ANK2: variants seen among roughly 807,000 people sequenced by gnomAD.
ANK2 encodes ankyrin 2.
A neutral mutation model predicts 360.5 loss-of-function variants in ANK2; 83 were observed. The ratio of observed to expected loss-of-function variants is 0.23; its 90% CI spans 0.19 to 0.28. The LOEUF is 0.28. ANK2 is among the 10% of genes least tolerant of loss of function. ANK2 has a pLI of 1.00. For synonymous variants in ANK2, 1,740 were observed against 1,759.5 expected (o/e 0.99, Z 0.28); for missense variants, 4,201 against 4,795.7 (o/e 0.88, Z 3.66).
chr4:113,048,181 A>G (rs914665662), upstream of ANK2, among the ~76,000 whole-genome samples: 9 of 143,434 alleles, frequency 6.3e-5, no homozygotes, highest in Non-Finnish European at 1.4e-4. Flanking sequence ...AATAAGGGCA[A>G]GTGTTTAGAA....
intron 4 of ANK2, among the ~76,000 whole-genome samples, chr4:113,219,109 A>G (rs2099119998): frequency 6.6e-6 from 1 of 152,158 alleles, no homozygotes; most frequent in Non-Finnish European, 1.5e-5. Flanking sequence ...TGCTCAATAT[A>G]CCTATTTTAA....
At chr4:112,828,323 C>T (rs775384153) in intron 1 of ANK2, among the ~76,000 whole-genome samples, 51 of 150,866 alleles carry the variant, frequency 3.4e-4, no homozygotes, top group Non-Finnish European at 5.6e-4. Context: ...CAACCTCCGC[C>T]TCCTGGGTTC....
intron 2 of ANK2, among the ~76,000 whole-genome samples, chr4:112,965,000 T>G (rs1239990141): frequency 6.6e-6 from 1 of 152,240 alleles, no homozygotes; most frequent in African/African-American, 2.4e-5. Context: ...ATTTCCTTTC[T>G]TTGGGGGTAT....
intron 10 of ANK2, among the ~76,000 whole-genome samples, chr4:113,253,768 C>A (rs920826993): frequency 6.6e-6 from 1 of 152,122 alleles, no homozygotes; most frequent in African/African-American, 2.4e-5. Flanking sequence ...GCAAGAGGCC[C>A]CTAATTGACT....
chr4:112,942,466 G>T (rs1468070685), intron 2 of ANK2, among the ~76,000 whole-genome samples: 1 of 152,020 alleles, frequency 6.6e-6, no homozygotes, highest in Non-Finnish European at 1.5e-5. Context: ...TGCCCATTTT[G>T]TAGATGAGAA....
intron 4 of ANK2, among the ~76,000 whole-genome samples, chr4:113,215,704 C>T (rs1585069707): frequency 6.6e-6 from 1 of 152,194 alleles, no homozygotes; most frequent in African/African-American, 2.4e-5. Context: ...AACTATATAC[C>T]ATATGCCAAG....
At chr4:112,840,045 G>GA (rs2061774198) in intron 1 of ANK2, among the ~76,000 whole-genome samples, 1 of 152,188 alleles carries the variant, frequency 6.6e-6, no homozygotes, top group African/African-American at 2.4e-5. Context: ...CTATATGCTA[G>GA]GTCTTGTGCT....
intron 1 of ANK2, among the ~76,000 whole-genome samples, chr4:113,158,242 TGAA>T (rs2097373248): frequency 6.6e-6 from 1 of 152,140 alleles, no homozygotes; most frequent in Non-Finnish European, 1.5e-5. Context: ...CATGTAAAAA[TGAA>T]GAATTGCCTT....
At chr4:112,993,882 A>G (rs571961528) in intron 2 of ANK2, among the ~76,000 whole-genome samples, 31 of 151,598 alleles carry the variant, frequency 2.0e-4, no homozygotes, top group African/African-American at 7.3e-4. Context: ...AATTTTTTGT[A>G]TTTTTATTAG....
chr4:113,297,492 C>G (rs1301831368), intron 22 of ANK2, among the ~76,000 whole-genome samples: 3 of 152,068 alleles, frequency 2.0e-5, no homozygotes, highest in African/African-American at 4.8e-5. Flanking sequence ...GATCATTATA[C>G]TTATGTTTAT....
chr4:112,801,453 G>T, the ANK2 span, among the ~76,000 whole-genome samples: 1 of 152,088 alleles, frequency 6.6e-6, no homozygotes. Flanking sequence ...CTGATCCTGT[G>T]GTCTAGTGGT....
At chr4:113,133,334 A>G (rs1388007688) in intron 1 of ANK2, among the ~76,000 whole-genome samples, 1 of 152,038 alleles carries the variant, frequency 6.6e-6, no homozygotes, top group African/African-American at 2.4e-5. Context: ...GAGCATGTAG[A>G]CTCTATACTC....
At position 112,831,056 on chromosome 4, in the gene ANK2, C is replaced by T. The variant is rs560143951; in HGVS notation, c.-40+12792C>T. Among the ~76,000 whole-genome samples, 57 of 152,340 alleles carry T rather than the reference C, an allele frequency of 3.7e-4. 1 individual carries two copies. The highest frequency in any genetic ancestry group is 3.7e-3 in the East Asian group (19 of 5,180). ...AGCCATCTCACCATAGGGCAGGGCT[C>T]GGGACCTGCAGCCCACCATGCCTGA... On this transcript the variant is annotated intron_variant, in intron 1 of 30. Coordinates refer to the ANK2 transcript ENST00000503271.
intron 1 of ANK2, among the ~76,000 whole-genome samples, chr4:112,834,877 T>C (rs1448659511): frequency 3.3e-5 from 5 of 152,216 alleles, no homozygotes; most frequent in Non-Finnish European, 5.9e-5. Flanking sequence ...TCATCTATTC[T>C]GTAGAAGGCC....
chr4:113,332,980 C>T (rs1396203500), intron 28 of ANK2, 74 bp from the exon 29 acceptor site: 23 of 1,603,330 alleles, frequency 1.4e-5, no homozygotes, highest in Non-Finnish European at 1.9e-5. Context: ...GGTCACTTTG[C>T]AACAGAGTCG....
At chr4:113,096,695 A>G (rs1473769209) in intron 1 of ANK2, among the ~76,000 whole-genome samples, 2 of 152,202 alleles carry the variant, frequency 1.3e-5, no homozygotes, top group Non-Finnish European at 2.9e-5. Flanking sequence ...CATGTGCCCA[A>G]CTATTACTAT....
At position 113,364,878 on chromosome 4, in the gene ANK2, A is replaced by AT. The variant is rs2096445678; in HGVS notation, c.10889-160dup. On this transcript the variant is annotated intron_variant, in intron 40 of 45. Transcript: ENST00000357077. ...CCATGCTGTACCACTTTTTTTATGC[A>AT]TATCTCTTTTGTCTGTTGGCTTATT... is the stretch of plus-strand genomic sequence containing the variant. Among the ~76,000 whole-genome samples the AT allele has an allele frequency of 1.3e-5, 2 of 152,146 alleles. 1 individual carries two copies. The highest frequency in any genetic ancestry group is 4.1e-4 in the South Asian group (2 of 4,836).
chr4:113,039,346 A>C (rs1441984918), intron 2 of ANK2, among the ~76,000 whole-genome samples: 2 of 152,000 alleles, frequency 1.3e-5, no homozygotes, highest in Non-Finnish European at 2.9e-5. Flanking sequence ...CTCATCTCCA[A>C]GTTAATCCTT....
rs778797451 is a variant in ANK2 at position 113,373,153 on chromosome 4, G to A, written c.11674G>A (p.Gly3892Arg). 4.6e-5 allele frequency: 74 copies of A among 1,613,906 alleles called. No individual in the cohort carries two copies. Among genetic ancestry groups the A allele is most frequent in the Non-Finnish European group, 1.6e-5 (19 of 1,179,926 alleles). ...AGAAGAAGAATACATTGATGAGCATGGACACACCGTGGTAAAGAAGGTATT... is the reference window on the plus strand; with the variant it reads ...AGAAGAAGAATACATTGATGAGCATAGACACACCGTGGTAAAGAAGGTATT... ...VTEEEYIDEH[G>R]HTVVKKVTRK... The change falls in exon 44 of 46, where the codon GGA becomes AGA. Residue 3892 changes from glycine to arginine, a missense_variant. Gly to Arg is a moderately radical substitution (Grantham distance 125). Coordinates refer to ENST00000357077, the MANE Select transcript of ANK2 (RefSeq NM_001148.6).
Sources: allele counts gnomAD v4.1 joint callset (sites outside exome capture counted in the v4.1 genomes callset), GRCh38; gene constraint gnomAD v4.1.1; transcripts MANE v1.5; gene names NCBI Gene and HGNC (gene_info 2026-07-23, HGNC 2026-07-21).